The following DLGAP1 variants were observed in gnomAD, a reference collection of about 807,000 sequenced individuals.
The protein encoded by DLGAP1 is disks large-associated protein 1.
In DLGAP1, 11 loss-of-function variants were observed where a neutral mutation model predicts 90.8. That is an observed-to-expected ratio of 0.12 (90% CI 0.08 to 0.20). The LOEUF (loss-of-function observed/expected upper bound fraction) is 0.20, where lower values mean the gene tolerates loss of function less well. Ranked by LOEUF, DLGAP1 falls within the 10% of genes least tolerant of loss-of-function variation. The pLI is 1.00. For synonymous variants in DLGAP1, 558 were observed against 540.7 expected (o/e 1.03, Z -0.44); for missense variants, 1,050 against 1,333.8 (o/e 0.79, Z 3.31).
chr18:4,024,356 C>T (rs996154349), intron 2 of DLGAP1, among the ~76,000 whole-genome samples: 3 of 152,156 alleles, frequency 2.0e-5, no homozygotes, highest in Admixed American at 6.5e-5. Flanking sequence ...CCCACTTTCC[C>T]GGTGAGGCCT....
At chr18:3,704,158 C>A (rs574760883) in intron 7 of DLGAP1, among the ~76,000 whole-genome samples, 1 of 152,308 alleles carries the variant, frequency 6.6e-6, no homozygotes, top group Admixed American at 6.5e-5. Flanking sequence ...GCGGGGCCCA[C>A]GGGAAGGGCT....
chr18:3,881,880 T>C (rs1195656462), intron 3 of DLGAP1, among the ~76,000 whole-genome samples: 4 of 152,278 alleles, frequency 2.6e-5, no homozygotes, highest in African/African-American at 9.6e-5. Flanking sequence ...GCCACTGCAC[T>C]CCAGCCTGGG....
At chr18:3,921,163 G>T (rs1383260808) in intron 3 of DLGAP1, among the ~76,000 whole-genome samples, 1 of 152,162 alleles carries the variant, frequency 6.6e-6, no homozygotes, top group African/African-American at 2.4e-5. Context: ...AATTAAACCA[G>T]GAACTCTAAC....
At chr18:3,777,931 G>T (rs2148087745) in intron 5 of DLGAP1, among the ~76,000 whole-genome samples, 1 of 152,232 alleles carries the variant, frequency 6.6e-6, no homozygotes, top group East Asian at 1.9e-4. Context: ...GATGTGTAGT[G>T]TGTGTGTGTT....
intron 2 of DLGAP1, among the ~76,000 whole-genome samples, chr18:4,096,223 C>T (rs1285521796): frequency 1.3e-5 from 2 of 152,038 alleles, no homozygotes; most frequent in Non-Finnish European, 2.9e-5. Flanking sequence ...TGGGGTTTCA[C>T]CATATTGGCC....
chr18:3,970,701 G>T (rs927942782), intron 3 of DLGAP1, among the ~76,000 whole-genome samples: 2 of 151,948 alleles, frequency 1.3e-5, no homozygotes, highest in African/African-American at 4.8e-5. Context: ...TCTCAAACAG[G>T]TACTAAATTT....
chr18:3,716,957 C>T (rs940255421), intron 7 of DLGAP1, among the ~76,000 whole-genome samples: 6 of 151,278 alleles, frequency 4.0e-5, no homozygotes, highest in Non-Finnish European at 8.8e-5. Context: ...AGAGAGGTGC[C>T]GTCTCTATAA....
intron 1 of DLGAP1, among the ~76,000 whole-genome samples, chr18:4,436,904 G>C (rs2083413181): frequency 6.6e-6 from 1 of 152,134 alleles, no homozygotes; most frequent in Non-Finnish European, 1.5e-5. Flanking sequence ...TCCTATTTAT[G>C]CCAATAAAGT....
Position 3,775,434 on chromosome 18 carries a change from C to T in DLGAP1, c.1173-32922G>A, listed in dbSNP as rs551140966. On this transcript the variant is annotated intron_variant, in intron 5 of 12. Coordinates refer to ENST00000315677, the MANE Select transcript of DLGAP1 (RefSeq NM_004746.4). The surrounding 1 kb of genome is among the most constrained non-coding windows in gnomAD (Gnocchi z 4.9). ...GTTGTTTGAATGCGTATAGCACTTC[C>T]CCCTTCATTCTTTCTTCCTACTGCT... Among the ~76,000 whole-genome samples the T allele has an allele frequency of 6.6e-6, 1 of 152,264 alleles. No individual in the cohort carries two copies. The highest frequency in any genetic ancestry group is 2.1e-4 in the South Asian group (1 of 4,816).
intron 7 of DLGAP1, among the ~76,000 whole-genome samples, chr18:3,693,642 T>C (rs1026872342): frequency 6.6e-6 from 1 of 152,218 alleles, no homozygotes; most frequent in African/African-American, 2.4e-5. Flanking sequence ...CAATTTGGCA[T>C]ATAATTATAC....
At chr18:3,665,945 TA>T (rs2059862854) in intron 7 of DLGAP1, among the ~76,000 whole-genome samples, 1 of 152,098 alleles carries the variant, frequency 6.6e-6, no homozygotes, top group Non-Finnish European at 1.5e-5. Context: ...CCTTGGAGGT[TA>T]AGGGAGGGCA....
chr18:3,820,443 A>G (rs981453730), intron 4 of DLGAP1, among the ~76,000 whole-genome samples: 2 of 152,200 alleles, frequency 1.3e-5, no homozygotes, highest in Non-Finnish European at 2.9e-5. Context: ...TTTGGTGAAA[A>G]CAAAGGCAGT....
In DLGAP1 at chr18:3,581,956, C is replaced by T. The variant is rs141214250; in HGVS notation, c.1884G>A (p.Thr628=). 40 of 1,613,872 alleles carry T rather than the reference C, an allele frequency of 2.5e-5. No homozygotes were observed. The highest frequency in any genetic ancestry group is 9.4e-5 in the African/African-American group (7 of 74,866). ...MGNNTATVTT[T]TTIATVTTED... is the part of the protein sequence containing the mutation. ...CCGTGGTGACGGTGGCTATGGTAGTCGTGGTGGTGACGGTGGCAGTGTTAT... is the reference window on the plus strand; with the variant it reads ...CCGTGGTGACGGTGGCTATGGTAGTTGTGGTGGTGACGGTGGCAGTGTTAT... Residue 628 remains threonine, a synonymous_variant, in exon 8 of 13, where the codon ACG becomes ACA. Transcript: ENST00000315677.
chr18:3,919,004 G>T (rs1281505389), intron 3 of DLGAP1, among the ~76,000 whole-genome samples: 1 of 152,210 alleles, frequency 6.6e-6, no homozygotes, highest in East Asian at 1.9e-4. Context: ...ACAGAAAAAA[G>T]AATTTGGATG....
intron 7 of DLGAP1, among the ~76,000 whole-genome samples, chr18:3,621,100 C>T (rs1189577253): frequency 6.6e-6 from 1 of 152,122 alleles, no homozygotes; most frequent in East Asian, 1.9e-4. Flanking sequence ...CTAAGGTTCA[C>T]CTTAAAGATA....
At chr18:4,242,409 T>C (rs1404486960) in intron 1 of DLGAP1, among the ~76,000 whole-genome samples, 1 of 152,088 alleles carries the variant, frequency 6.6e-6, no homozygotes, top group Non-Finnish European at 1.5e-5. Context: ...CCCAGAATTC[T>C]GGCACATGGA....
At chr18:4,170,731 TATA>T (rs750642383) in intron 1 of DLGAP1, among the ~76,000 whole-genome samples, 5 of 152,306 alleles carry the variant, frequency 3.3e-5, no homozygotes, top group South Asian at 2.1e-4. Context: ...CTAATCTTTA[TATA>T]ATAATAACCT....
intron 5 of DLGAP1, among the ~76,000 whole-genome samples, chr18:3,772,228 T>C (rs1338753940): frequency 1.3e-5 from 2 of 148,496 alleles, no homozygotes; most frequent in Non-Finnish European, 3.0e-5. Flanking sequence ...CTCTTTCTTT[T>C]CTTTCTCTCC....
chr18:4,405,717 C>T (rs921615880), intron 1 of DLGAP1, among the ~76,000 whole-genome samples: 14 of 152,254 alleles, frequency 9.2e-5, no homozygotes, highest in African/African-American at 2.9e-4. Context: ...GCTTAGAAGA[C>T]TATCTCAAGA....
Sources: gnomAD v4.1 joint callset for allele counts (sites outside exome capture counted in the v4.1 genomes callset) on GRCh38, gnomAD v4.1.1 for gene constraint, Gnocchi (gnomAD v3.1) non-coding constraint, MANE v1.5 for transcripts, NCBI Gene and HGNC (gene_info 2026-07-23, HGNC 2026-07-21) for gene names.